CTNNA2: variants seen among roughly 807,000 people sequenced by gnomAD.
The protein encoded by CTNNA2 is catenin alpha 2.
In CTNNA2, 42 loss-of-function variants were observed where a neutral mutation model predicts 101.0. The ratio of observed to expected loss-of-function variants is 0.42; its 90% CI spans 0.32 to 0.54. The LOEUF is 0.54. CTNNA2 is among the 20% of genes least tolerant of loss of function. The pLI, the probability that CTNNA2 is intolerant of heterozygous loss-of-function variation, is 0.14. For synonymous variants in CTNNA2, 450 were observed against 456.4 expected (o/e 0.99, Z 0.18); for missense variants, 871 against 1,223.1 (o/e 0.71, Z 4.29).
chr2:79,558,450 T>C (rs1254650942), intron 1 of CTNNA2, among the ~76,000 whole-genome samples: 1 of 151,896 alleles, frequency 6.6e-6, no homozygotes, highest in African/African-American at 2.4e-5. Context: ...TTTTATGACA[T>C]ACAGTAGTGC....
At chr2:79,228,748 T>C (rs1674453510) in intron 2 of CTNNA2, among the ~76,000 whole-genome samples, 1 of 152,166 alleles carries the variant, frequency 6.6e-6, no homozygotes, top group Admixed American at 6.5e-5. Context: ...AGAAGCTCTT[T>C]AGTTGAATTA....
chr2:79,311,033 T>C (rs1218421787), intron 2 of CTNNA2, among the ~76,000 whole-genome samples: 1 of 152,162 alleles, frequency 6.6e-6, no homozygotes. Context: ...AATTATAACT[T>C]GCATATGTTG....
chr2:80,570,768 C>G (rs1373776149), intron 12 of CTNNA2, among the ~76,000 whole-genome samples: 1 of 152,006 alleles, frequency 6.6e-6, no homozygotes, highest in Non-Finnish European at 1.5e-5. Context: ...CATAAAAATT[C>G]ATTGTTTCTG....
At chr2:79,328,102 G>A (rs771690604) in intron 3 of CTNNA2, among the ~76,000 whole-genome samples, 1 of 152,128 alleles carries the variant, frequency 6.6e-6, no homozygotes, top group Non-Finnish European at 1.5e-5. Flanking sequence ...GGGCTGATAG[G>A]CCCACTATGT....
At position 79,577,980 on chromosome 2, in the gene CTNNA2, C is replaced by T. The variant is rs569989953; in HGVS notation, c.-6+64773C>T. 2.0e-5 allele frequency among the ~76,000 whole-genome samples: 3 copies of T among 152,232 alleles called. No homozygotes were observed. In the South Asian group the frequency reaches 6.2e-4, roughly 32 times the overall value. On this transcript the variant is annotated intron_variant, in intron 1 of 18. Transcript: ENST00000402739. Reference sequence around the variant, plus strand: ...TCAAACAGATTATTTAAACAAAGCTCATACGTGTGAATGTTGGTTGTCACT... The same window carrying T: ...TCAAACAGATTATTTAAACAAAGCTTATACGTGTGAATGTTGGTTGTCACT...
intron 7 of CTNNA2, among the ~76,000 whole-genome samples, chr2:80,210,221 T>C (rs975811692): frequency 1.1e-4 from 16 of 152,218 alleles, no homozygotes; most frequent in African/African-American, 3.6e-4. Context: ...TTTTTCTTTC[T>C]TTTTTATTAG....
At chr2:79,855,845 A>G (rs1375339407) in intron 3 of CTNNA2, among the ~76,000 whole-genome samples, 1 of 152,234 alleles carries the variant, frequency 6.6e-6, no homozygotes, top group African/African-American at 2.4e-5. Flanking sequence ...TACTTGTGGC[A>G]CTTTTGTCAA....
At chr2:80,350,346 T>G (rs1222945566) in intron 7 of CTNNA2, among the ~76,000 whole-genome samples, 1 of 152,194 alleles carries the variant, frequency 6.6e-6, no homozygotes, top group African/African-American at 2.4e-5. Flanking sequence ...ATTCTCTATG[T>G]TAAATCTAAA....
At chr2:79,237,086 C>T (rs1399820314) in intron 2 of CTNNA2, among the ~76,000 whole-genome samples, 3 of 152,216 alleles carry the variant, frequency 2.0e-5, no homozygotes, top group South Asian at 2.1e-4. Context: ...AAATCACTAT[C>T]TATGGCAGCT....
intron 7 of CTNNA2, among the ~76,000 whole-genome samples, chr2:80,013,909 A>G (rs775122337): frequency 6.6e-5 from 10 of 152,162 alleles, no homozygotes; most frequent in South Asian, 2.1e-4. Flanking sequence ...ACAGCCTACC[A>G]GGTCTAGGAG....
At chr2:80,050,776 C>T (rs992673982) in intron 7 of CTNNA2, among the ~76,000 whole-genome samples, 1 of 152,234 alleles carries the variant, frequency 6.6e-6, no homozygotes, top group African/African-American at 2.4e-5. Context: ...TCACGGCTCA[C>T]TGCAGCGTCA....
intron 7 of CTNNA2, among the ~76,000 whole-genome samples, chr2:80,346,236 G>A (rs943557364): frequency 3.3e-5 from 5 of 152,188 alleles, no homozygotes; most frequent in African/African-American, 1.2e-4. Context: ...AAGAAAAGAG[G>A]TTTAATTGGA....
intron 2 of CTNNA2, among the ~76,000 whole-genome samples, chr2:79,293,463 T>G (rs1049345563): frequency 2.0e-5 from 3 of 152,222 alleles, no homozygotes; most frequent in Middle Eastern, 3.4e-3. Context: ...CCCTAGAAGC[T>G]TACAGTTTGG....
At chr2:80,563,499 A>G in intron 12 of CTNNA2, among the ~76,000 whole-genome samples, 1 of 152,202 alleles carries the variant, frequency 6.6e-6, no homozygotes, top group East Asian at 1.9e-4. Context: ...CAACAGAAGT[A>G]CTGTATATGG....
At chr2:80,503,468 A>C (rs575451244) in intron 9 of CTNNA2, among the ~76,000 whole-genome samples, 2 of 152,178 alleles carry the variant, frequency 1.3e-5, no homozygotes, top group African/African-American at 4.8e-5. Context: ...TTGCTGTGAA[A>C]TATACCAACT....
chr2:79,543,256 A>G (rs11884295), intron 1 of CTNNA2, among the ~76,000 whole-genome samples: 3,443 of 152,296 alleles, frequency 0.023, 141 homozygotes, highest in African/African-American at 0.079. Context: ...CATTGAAACA[A>G]AACCGTGTAA....
chr2:80,289,920 T>G (rs1201759052), intron 7 of CTNNA2, among the ~76,000 whole-genome samples: 1 of 152,138 alleles, frequency 6.6e-6, no homozygotes, highest in Non-Finnish European at 1.5e-5. Context: ...GAGCAGGAAT[T>G]TAAATCCCTG....
chr2:80,553,481 G>A (rs533036343), intron 11 of CTNNA2, among the ~76,000 whole-genome samples: 28 of 152,048 alleles, frequency 1.8e-4, no homozygotes, highest in Admixed American at 1.4e-3. Flanking sequence ...TTAAAAATAC[G>A]TTTTCATTTT....
At chr2:79,430,316 T>C (rs1353349357) in intron 4 of CTNNA2, among the ~76,000 whole-genome samples, 3 of 152,174 alleles carry the variant, frequency 2.0e-5, no homozygotes, top group Middle Eastern at 3.2e-3. Context: ...CATCAAGGCT[T>C]CTTATCATTG....
Sources: allele counts gnomAD v4.1 joint callset (sites outside exome capture counted in the v4.1 genomes callset), GRCh38; gene constraint gnomAD v4.1.1; transcripts MANE v1.5; gene names NCBI Gene and HGNC (gene_info 2026-07-23, HGNC 2026-07-21).